The following AP4E1 variants were observed in gnomAD, a reference collection of about 807,000 sequenced individuals.
The protein encoded by AP4E1 is AP-4 complex subunit epsilon-1.
Under a neutral mutation model 128.2 loss-of-function variants are expected in AP4E1, and 56 were observed. That is an observed-to-expected ratio of 0.44 (90% CI 0.35 to 0.55). AP4E1 has a LOEUF of 0.55. Among genes scored for constraint, AP4E1 ranks in the 20% least tolerant of loss-of-function variants. The pLI is 0.00. For missense variants in AP4E1, 1,324 were observed against 1,307.7 expected (o/e 1.01, Z -0.19); for synonymous variants, 484 against 473.1 (o/e 1.02, Z -0.30).
chr15:50,909,862 C>T (rs1419253137), intron 1 of AP4E1, among the ~76,000 whole-genome samples: 4 of 152,100 alleles, frequency 2.6e-5, no homozygotes, highest in African/African-American at 9.7e-5. Context: ...ATTTTTTGTA[C>T]TTTTCGTAGA....
At chr15:50,930,689 A>C in intron 6 of AP4E1, 116 bp from the exon 7 acceptor site, 1 of 1,043,362 alleles carries the variant, frequency 9.6e-7, no homozygotes, top group East Asian at 2.4e-5. Flanking sequence ...CTGTTTCATT[A>C]AATGTGAACA....
intron 15 of AP4E1, among the ~76,000 whole-genome samples, chr15:50,983,379 T>G (rs890960036): frequency 6.6e-6 from 1 of 152,148 alleles, no homozygotes; most frequent in African/African-American, 2.4e-5. Flanking sequence ...AGGCTAGACC[T>G]CAGTCATATG....
chr15:50,931,498 G>A (rs1193149588), intron 7 of AP4E1, among the ~76,000 whole-genome samples: 3 of 152,122 alleles, frequency 2.0e-5, no homozygotes, highest in Non-Finnish European at 4.4e-5. Context: ...CCCAGGAGGT[G>A]TAGGTTGCAG....
chr15:50,978,798 G>A (rs189569795), intron 15 of AP4E1, among the ~76,000 whole-genome samples: 2 of 152,224 alleles, frequency 1.3e-5, no homozygotes, highest in East Asian at 1.9e-4. Flanking sequence ...TTCCACATAT[G>A]TGCATGAGCT....
At chr15:50,977,729 A>G (rs2064577702) in intron 15 of AP4E1, among the ~76,000 whole-genome samples, 1 of 30,904 alleles carries the variant, frequency 3.2e-5, no homozygotes, top group Non-Finnish European at 7.8e-5. Flanking sequence ...TTTTTTTTAG[A>G]CAGAGTCTCT....
upstream of AP4E1, chr15:50,908,534 G>A (rs2063522811): frequency 6.8e-6 from 3 of 439,064 alleles, no homozygotes; most frequent in Non-Finnish European, 1.2e-5. Flanking sequence ...CCCGTCGCGA[G>A]AAAGGAGGTC....
intron 3 of AP4E1, among the ~76,000 whole-genome samples, chr15:50,921,605 C>T (rs1246372516): frequency 6.6e-6 from 1 of 152,100 alleles, no homozygotes; most frequent in Non-Finnish European, 1.5e-5. Flanking sequence ...CCTGCCTCAG[C>T]CTCCCAAAGT....
At chr15:50,956,579 T>G (rs1277705393) in intron 13 of AP4E1, among the ~76,000 whole-genome samples, 4 of 152,090 alleles carry the variant, frequency 2.6e-5, no homozygotes, top group Non-Finnish European at 5.9e-5. Flanking sequence ...AGGCACCTCT[T>G]TACAGGGTGG....
chr15:50,957,488 GA>G, intron 13 of AP4E1, among the ~76,000 whole-genome samples: 1 of 152,136 alleles, frequency 6.6e-6, no homozygotes, highest in East Asian at 1.9e-4. Flanking sequence ...ATTTGAATGG[GA>G]AAATAGGGAT....
intron 14 of AP4E1, among the ~76,000 whole-genome samples, chr15:50,966,519 C>T (rs2064395048): frequency 1.4e-5 from 2 of 147,768 alleles, no homozygotes; most frequent in South Asian, 2.1e-4. Flanking sequence ...GCCTCAGCCT[C>T]ATCTCAAGAA....
chr15:50,981,914 C>T (rs1403312562), intron 15 of AP4E1, among the ~76,000 whole-genome samples: 2 of 151,990 alleles, frequency 1.3e-5, no homozygotes, highest in African/African-American at 4.8e-5. Context: ...GGAGAAACCA[C>T]GTCTCTACTA....
chr15:50,999,085 C>G lies in AP4E1; in HGVS notation c.2918C>G (p.Pro973Arg). The part of the protein sequence containing the change: ...PAENFKVTEQ[P>R]GCCLPVMEAE... Reference sequence around the variant, plus strand: ...TTCTATTTGCAGGTGACTGAGCAACCTGGATGCTGTTTGCCTGTAATGGAA... The same window carrying G: ...TTCTATTTGCAGGTGACTGAGCAACGTGGATGCTGTTTGCCTGTAATGGAA... The change falls in exon 19 of 21, where the codon CCT becomes CGT. Residue 973 changes from proline to arginine, a missense_variant. Transcript: ENST00000261842. The G allele has an allele frequency of 6.2e-7, 1 of 1,613,996 alleles. No individual in the cohort carries two copies.
intron 15 of AP4E1, among the ~76,000 whole-genome samples, chr15:50,982,097 A>AAG (rs1185310807): frequency 6.7e-6 from 1 of 150,194 alleles, no homozygotes; most frequent in African/African-American, 2.4e-5. Flanking sequence ...AAAAAAAAAA[A>AAG]AAAAAAAAAA....
chr15:50,965,410 G>C (rs1011577682), intron 14 of AP4E1, among the ~76,000 whole-genome samples: 4 of 152,264 alleles, frequency 2.6e-5, no homozygotes, highest in African/African-American at 9.6e-5. Flanking sequence ...GGCCTCCAAA[G>C]ATGGCATGTG....
rs774258032 is a variant in AP4E1 at position 50,912,195 on chromosome 15, G to A, written c.222+46G>A. On this transcript the variant is annotated intron_variant, in intron 2 of 20. Transcript: ENST00000261842. ...CCAACACATTTGAATTTGAAATCTA[G>A]TCACTGTGGACTCAATAGTGGCATC... The A allele has an allele frequency of 3.3e-6, 5 of 1,497,798 alleles. No individual in the cohort carries two copies. The South Asian group carries it at 4.6e-5, about 14-fold the overall frequency. 92.8% of individuals were successfully genotyped at this position (1,497,798 alleles called of 1,614,324 possible). A position where few individuals can be genotyped will look rare whatever the true frequency, so the allele number is the denominator to read the frequency against.
chr15:50,972,224 T>C (rs1044081078), intron 15 of AP4E1, among the ~76,000 whole-genome samples: 5 of 152,126 alleles, frequency 3.3e-5, no homozygotes, highest in Non-Finnish European at 7.4e-5. Context: ...CTTTCTTTTT[T>C]CTTTTGAGAA....
In AP4E1 at chr15:50,923,986, T is replaced by C; in HGVS notation, c.402T>C (p.Leu134=). ...AAAGTCATGAATTATTGCTTCTCCT[T>C]GTGAATACAGTTGTAAAGGTATTGT... ...LHESHELLLL[L]VNTVVKDLQS... The change falls in exon 4 of 21, where the codon CTT becomes CTC. Residue 134 remains leucine (L), a synonymous_variant. Coordinates refer to ENST00000261842, the MANE Select transcript of AP4E1 (RefSeq NM_007347.5). The C allele has an allele frequency of 6.2e-7, 1 of 1,610,180 alleles. No homozygotes were observed. Among genetic ancestry groups the C allele is most frequent in the Non-Finnish European group, 8.5e-7 (1 of 1,176,758 alleles).
At chr15:50,931,384 T>C (rs1368875605) in intron 7 of AP4E1, among the ~76,000 whole-genome samples, 2 of 151,976 alleles carry the variant, frequency 1.3e-5, no homozygotes, top group Non-Finnish European at 2.9e-5. Flanking sequence ...TGACCAACAT[T>C]GTGAAACCCC....
chr15:50,991,637 A>G (rs1261943220), intron 16 of AP4E1, among the ~76,000 whole-genome samples: 1 of 152,140 alleles, frequency 6.6e-6, no homozygotes, highest in East Asian at 1.9e-4. Flanking sequence ...AGTAAAAATC[A>G]TTGAGAAGGA....
Sources: allele counts gnomAD v4.1 joint callset (sites outside exome capture counted in the v4.1 genomes callset), GRCh38; gene constraint gnomAD v4.1.1; transcripts MANE v1.5; gene names NCBI Gene and HGNC (gene_info 2026-07-23, HGNC 2026-07-21).